The following PCDHGA1 variants were observed in gnomAD, a reference collection of about 807,000 sequenced individuals.
PCDHGA1 encodes protocadherin gamma-A1.
Under a neutral mutation model 58.0 loss-of-function variants are expected in PCDHGA1, and 32 were observed. That is an observed-to-expected ratio of 0.55 (90% CI 0.42 to 0.74). The LOEUF is 0.74. Among genes scored for constraint, PCDHGA1 ranks in the 30% least tolerant of loss-of-function variants. The pLI, the probability that PCDHGA1 is intolerant of heterozygous loss-of-function variation, is 0.00. For synonymous variants in PCDHGA1, 498 were observed against 501.1 expected (o/e 0.99, Z 0.08); for missense variants, 1,205 against 1,182.3 (o/e 1.02, Z -0.28).
intron 1 of PCDHGA1, chr5:141,372,273 C>G (rs201775561): frequency 6.2e-7 from 1 of 1,613,108 alleles, no homozygotes; most frequent in Non-Finnish European, 8.5e-7. Flanking sequence ...GGGTGAGGTG[C>G]GCACGGCGCG....
chr5:141,409,803 C>T (rs779815582), intron 1 of PCDHGA1: 3 of 1,611,528 alleles, frequency 1.9e-6, no homozygotes, highest in African/African-American at 1.3e-5. Flanking sequence ...ACGCTGCAGG[C>T]CCGCGACCAC....
intron 1 of PCDHGA1, among the ~76,000 whole-genome samples, chr5:141,335,267 A>G (rs957303224): frequency 2.0e-5 from 3 of 152,206 alleles, no homozygotes; most frequent in African/African-American, 7.2e-5. Flanking sequence ...AATATTACAA[A>G]ACTGGTTGAT....
chr5:141,359,491 C>T (rs553300282), intron 1 of PCDHGA1, among the ~76,000 whole-genome samples: 25 of 150,570 alleles, frequency 1.7e-4, no homozygotes, highest in African/African-American at 5.4e-4. Context: ...ATTCATATTA[C>T]GGACTACTAG....
intron 1 of PCDHGA1, chr5:141,418,787 G>A: frequency 6.2e-7 from 1 of 1,613,794 alleles, no homozygotes; most frequent in Non-Finnish European, 8.5e-7. Context: ...TTTGGATTTT[G>A]AAGAAGTAGA....
In PCDHGA1 at chr5:141,373,263, A is replaced by G. The variant is rs559475060; in HGVS notation, c.2421+40158A>G. Among the ~76,000 whole-genome samples, 7 of 152,368 alleles carry G rather than the reference A, an allele frequency of 4.6e-5. No homozygotes were observed. In the East Asian group the frequency reaches 1.2e-3, roughly 25 times the overall value. On this transcript the variant is annotated intron_variant, in intron 1 of 3. Coordinates refer to ENST00000517417, the MANE Select transcript of PCDHGA1 (RefSeq NM_018912.3). ...CTTCCCTTTGCATGTTTTTAAAAGT[A>G]TACACAGATGTTGCCTATGTCAGGG...
At chr5:141,418,851 G>A (rs778281594) in intron 1 of PCDHGA1, 9 of 1,613,906 alleles carry the variant, frequency 5.6e-6, no homozygotes, top group South Asian at 2.2e-5. Context: ...TCAACACGGT[G>A]TAAAGTAATT....
intron 1 of PCDHGA1, chr5:141,414,115 G>A: frequency 6.3e-7 from 1 of 1,591,952 alleles, no homozygotes; most frequent in Middle Eastern, 1.7e-4. Flanking sequence ...TCTAGATTAT[G>A]AAGAAACCGG....
rs200777796 is a variant in PCDHGA1, at chr5:141,352,653, C to A, written c.2421+19548C>A. ...GAAGATCACAAAATCGCTTATGACCCTTCTTTGTCTTCGCACGTGAGTTTC... is the reference window on the plus strand; with the variant it reads ...GAAGATCACAAAATCGCTTATGACCATTCTTTGTCTTCGCACGTGAGTTTC... On this transcript the variant is annotated intron_variant, in intron 1 of 3. Transcript: ENST00000517417. The A allele has an allele frequency of 6.6e-4, 1,052 of 1,597,498 alleles. No homozygotes were observed. The highest frequency in any genetic ancestry group is 8.1e-4 in the Non-Finnish European group (954 of 1,171,256).
At chr5:141,344,120 T>C (rs746958849) in intron 1 of PCDHGA1, 2 of 1,614,012 alleles carry the variant, frequency 1.2e-6, no homozygotes, top group Non-Finnish European at 1.7e-6. Context: ...CAGGATCCGG[T>C]CAGATCCGCT....
intron 1 of PCDHGA1, chr5:141,484,853 G>T (rs747582810): frequency 2.5e-4 from 64 of 251,466 alleles, no homozygotes; most frequent in Non-Finnish European, 4.3e-4. Flanking sequence ...GGGTTTTTTG[G>T]GGGGTGGGGG....
At chr5:141,341,068 G>A (rs142588721) in intron 1 of PCDHGA1, 1 of 1,614,158 alleles carries the variant, frequency 6.2e-7, no homozygotes, top group Non-Finnish European at 8.5e-7. Context: ...CGGTGGCCGC[G>A]GTCTCCTGCG....
Position 141,489,527 on chromosome 5 carries a change from G to A in PCDHGA1, c.2422-5280G>A. On this transcript the variant is annotated intron_variant, in intron 1 of 3. Coordinates refer to ENST00000517417, the MANE Select transcript of PCDHGA1 (RefSeq NM_018912.3). The surrounding 1 kb of genome is among the most constrained non-coding windows in gnomAD (Gnocchi z 4.5). The stretch of plus-strand genomic sequence containing the variant: ...CAAAAGATTGACCGAGAAAGCCTAT[G>A]TGGAGCCAGCACCAGCTGCCTGCTG... The A allele has an allele frequency of 1.9e-6, 3 of 1,614,152 alleles. No individual in the cohort carries two copies. Among genetic ancestry groups the A allele is most frequent in the East Asian group, 2.2e-5 (1 of 44,874 alleles).
chr5:141,435,614 C>A, intron 1 of PCDHGA1, among the ~76,000 whole-genome samples: 1 of 152,056 alleles, frequency 6.6e-6, no homozygotes, highest in East Asian at 1.9e-4. Flanking sequence ...ACATTAAATT[C>A]CCCATAACTT....
intron 1 of PCDHGA1, chr5:141,376,853 A>C (rs188570810): frequency 0.022 from 4,983 of 229,694 alleles, 85 homozygotes; most frequent in East Asian, 0.036. Flanking sequence ...CGCCCGGCTA[A>C]TTTTTTTGTA....
At chr5:141,466,583 C>T (rs2099125595) in intron 1 of PCDHGA1, among the ~76,000 whole-genome samples, 1 of 152,184 alleles carries the variant, frequency 6.6e-6, no homozygotes, top group Admixed American at 6.6e-5. Flanking sequence ...CTCATCCCTT[C>T]TTAAAACAAG....
intron 2 of PCDHGA1, among the ~76,000 whole-genome samples, chr5:141,501,109 C>G (rs909874167): frequency 2.0e-5 from 3 of 152,106 alleles, no homozygotes; most frequent in Non-Finnish European, 4.4e-5. Context: ...CCTCGTGATC[C>G]GCCTGCCTCA....
chr5:141,340,207 G>C, intron 1 of PCDHGA1: 3 of 1,614,122 alleles, frequency 1.9e-6, no homozygotes, highest in Non-Finnish European at 2.5e-6. Flanking sequence ...CCCTTGACAG[G>C]GAACAGTTTT....
At chr5:141,505,151 G>T (rs2099844154) in intron 2 of PCDHGA1, among the ~76,000 whole-genome samples, 1 of 152,164 alleles carries the variant, frequency 6.6e-6, no homozygotes, top group Non-Finnish European at 1.5e-5. Context: ...GACAGAGTAA[G>T]ACCCTGTCTA....
chr5:141,372,277 C>A, intron 1 of PCDHGA1: 1 of 1,613,112 alleles, frequency 6.2e-7, no homozygotes. Flanking sequence ...GAGGTGCGCA[C>A]GGCGCGTACC....
Sources: gnomAD v4.1 joint callset for allele counts (sites outside exome capture counted in the v4.1 genomes callset) on GRCh38, gnomAD v4.1.1 for gene constraint, Gnocchi (gnomAD v3.1) non-coding constraint, MANE v1.5 for transcripts, NCBI Gene and HGNC (gene_info 2026-07-23, HGNC 2026-07-21) for gene names.